The following KDSR variants were observed in gnomAD, a reference collection of about 807,000 sequenced individuals.
KDSR encodes the protein 3-ketodihydrosphingosine reductase, also known as 3-dehydrosphinganine reductase.
In KDSR, 23 loss-of-function variants were observed where a neutral mutation model predicts 41.3. The observed-to-expected ratio is 0.56, with a 90% CI of 0.40 to 0.79. The LOEUF (loss-of-function observed/expected upper bound fraction) is 0.79, where lower values mean the gene tolerates loss of function less well. KDSR is among the 30% of genes least tolerant of loss of function. The pLI is 0.00. For synonymous variants in KDSR, 138 were observed against 151.7 expected (o/e 0.91, Z 0.66); for missense variants, 351 against 416.8 (o/e 0.84, Z 1.37).
At chr18:63,352,909 G>A (rs1599333343) in intron 5 of KDSR, among the ~76,000 whole-genome samples, 1 of 150,952 alleles carries the variant, frequency 6.6e-6, no homozygotes, top group African/African-American at 2.4e-5. Flanking sequence ...GCTCATGCCT[G>A]TAATCCCAGC....
At chr18:63,335,568 G>A (rs1484110499) in intron 8 of KDSR, 5 of 515,058 alleles carry the variant, frequency 9.7e-6, no homozygotes, top group Non-Finnish European at 7.0e-6. Context: ...GGGCCCCCAA[G>A]GACAAATGAT....
At chr18:63,366,014 T>G (rs983263920) in intron 1 of KDSR, 1 of 152,258 alleles carries the variant, frequency 6.6e-6, no homozygotes, top group Non-Finnish European at 1.5e-5. Flanking sequence ...GGTGCAGAGA[T>G]AGGACAGGAA....
At position 63,362,777 on chromosome 18, in the gene KDSR, A is replaced by C; in HGVS notation, c.198+2T>G. On this transcript the variant is annotated splice_donor_variant, in intron 2 of 9. Transcript: ENST00000645214. LOFTEE classifies it high-confidence loss of function. The stretch of plus-strand genomic sequence containing the variant: ...CAGTAATAATGAACCTAGAAGCCTT[A>C]CCTCATTTCGTGCAACCAGAGTTAT... The C allele has an allele frequency of 6.2e-7, 1 of 1,601,304 alleles. No homozygotes were observed. Among genetic ancestry groups the C allele is most frequent in the East Asian group, 2.2e-5 (1 of 44,810 alleles).
At chr18:63,338,301 T>C (rs1338049802) in intron 8 of KDSR, among the ~76,000 whole-genome samples, 2 of 152,366 alleles carry the variant, frequency 1.3e-5, no homozygotes, top group Middle Eastern at 3.4e-3. Context: ...GCACATATGT[T>C]GTTCTTCTAC....
chr18:63,337,112 G>GAA (rs1491328273), intron 8 of KDSR, among the ~76,000 whole-genome samples: 1 of 18,136 alleles, frequency 5.5e-5, no homozygotes, highest in Non-Finnish European at 1.5e-4. Context: ...ATATATATGT[G>GAA]AATATATATA....
At chr18:63,335,475 A>G in intron 8 of KDSR, 117 bp from the exon 9 acceptor site, 1 of 714,440 alleles carries the variant, frequency 1.4e-6, no homozygotes, top group South Asian at 1.7e-5. Context: ...TAAAATGGTC[A>G]CAAAGCATTG....
chr18:63,352,792 A>G (rs185135535), intron 5 of KDSR, among the ~76,000 whole-genome samples: 15 of 152,324 alleles, frequency 9.8e-5, no homozygotes, highest in East Asian at 1.9e-4. Flanking sequence ...ACAGAAGATC[A>G]TAAGTGACTG....
intron 7 of KDSR, among the ~76,000 whole-genome samples, chr18:63,340,485 A>G (rs1346379850): frequency 2.6e-5 from 4 of 152,244 alleles, no homozygotes; most frequent in East Asian, 1.9e-4. Flanking sequence ...AGAAAAAAAT[A>G]TATAAAACTA....
Position 63,327,867 on chromosome 18 carries a change from G to A in KDSR, c.*3915C>T, listed in dbSNP as rs990557963. 3 of 197,010 alleles carry A rather than the reference G, an allele frequency of 1.5e-5. No homozygotes were observed. The highest frequency in any genetic ancestry group is 2.3e-5 in the African/African-American group (1 of 43,212). 12.2% of individuals were successfully genotyped at this position (197,010 alleles called of 1,614,324 possible). A position where few individuals can be genotyped will look rare whatever the true frequency, so the allele number is the denominator to read the frequency against. ...TTTGTGTATCAAAATAGCCATGTGC[G>A]CTTTTATCAGTTAAAAAGTCTTTAG... On this transcript the variant is annotated 3_prime_UTR_variant, in exon 10 of 10. Transcript: ENST00000645214.
At chr18:63,361,209 CAAAAAAAAAAAA>C (rs71162630) in intron 2 of KDSR, among the ~76,000 whole-genome samples, 1,793 of 15,466 alleles carry the variant, frequency 0.12, 53 homozygotes, top group African/African-American at 0.29. Context: ...AACTCCGTCT[CAAAAAAAAAAAA>C]AAAAAAAAAA....
At chr18:63,365,407 CTCT>C (rs1915106009) in intron 1 of KDSR, among the ~76,000 whole-genome samples, 1 of 152,232 alleles carries the variant, frequency 6.6e-6, no homozygotes, top group Non-Finnish European at 1.5e-5. Flanking sequence ...ACACTTTTCA[CTCT>C]TCTTATGACA....
chr18:63,359,569 C>T (rs754787101), intron 3 of KDSR, 167 bp downstream of exon 3: 18 of 557,716 alleles, frequency 3.2e-5, no homozygotes, highest in Non-Finnish European at 5.2e-5. Context: ...ATTCATTTTG[C>T]GTGTGTGTGA....
In KDSR at chr18:63,362,837, C is replaced by T. The variant is rs1465942560; in HGVS notation, c.140G>A (p.Cys47Tyr). The change falls in exon 2 of 10, where the codon TGC becomes TAC. Residue 47 changes from cysteine to tyrosine, a missense_variant. Coordinates refer to ENST00000645214, the MANE Select transcript of KDSR (RefSeq NM_002035.4). ...TTGTTTATAGCACTCGATAGCAATG[C>T]ACTTCCCGATGCCACTGGAACCTCC... ...VTGGSSGIGKCIAIECYKQGA... is the reference protein window; with the variant it reads ...VTGGSSGIGKYIAIECYKQGA... The T allele has an allele frequency of 5.6e-6, 9 of 1,613,566 alleles. No homozygotes were observed. Among genetic ancestry groups the T allele is most frequent in the East Asian group, 2.2e-5 (1 of 44,880 alleles).
rs1302698636 is a variant in KDSR, at chr18:63,330,032, A to G, written c.*1750T>C. On this transcript the variant is annotated 3_prime_UTR_variant, in exon 10 of 10. Coordinates refer to ENST00000645214, the MANE Select transcript of KDSR (RefSeq NM_002035.4). ...TCATTCCAAGCAATTTATATATTAA[A>G]TAATAATTTCTTCTGTATCTATCAG... 5.4e-6 allele frequency: 1 copy of G among 184,568 alleles called. No homozygotes were observed. The highest frequency in any genetic ancestry group is 1.1e-5 in the Non-Finnish European group (1 of 87,004). The allele number at this position is 184,568 out of a possible 1,614,324, so 11.4% of individuals were successfully genotyped here. A position where few individuals can be genotyped will look rare whatever the true frequency, so the allele number is the denominator to read the frequency against.
chr18:63,361,674 G>T (rs1208704542), intron 2 of KDSR, among the ~76,000 whole-genome samples: 1 of 152,004 alleles, frequency 6.6e-6, no homozygotes, highest in Non-Finnish European at 1.5e-5. Flanking sequence ...AATTAGCCAG[G>T]CGTGGTGGTG....
chr18:63,362,552 GT>G, intron 2 of KDSR, among the ~76,000 whole-genome samples: 2 of 152,298 alleles, frequency 1.3e-5, no homozygotes, highest in African/African-American at 4.8e-5. Flanking sequence ...CTATGATGAT[GT>G]TGCCTAATAT....
chr18:63,357,358 T>C (rs893681168), intron 3 of KDSR, among the ~76,000 whole-genome samples: 2 of 151,656 alleles, frequency 1.3e-5, no homozygotes, highest in Non-Finnish European at 2.9e-5. Flanking sequence ...GCTTTTCTAA[T>C]AGTAAAAAAC....
At chr18:63,346,699 A>G (rs77264223) in intron 6 of KDSR, 2 of 152,152 alleles carry the variant, frequency 1.3e-5, no homozygotes, top group African/African-American at 4.8e-5. Context: ...ATCCAACCAA[A>G]TGACTCTCCC....
chr18:63,331,231 T>C lies in KDSR; in HGVS notation c.*551A>G. The C allele has an allele frequency of 4.3e-6, 1 of 232,012 alleles. No individual in the cohort carries two copies. The highest frequency in any genetic ancestry group is 6.0e-5 in the East Asian group (1 of 16,542). 14.4% of individuals were successfully genotyped at this position (232,012 alleles called of 1,614,324 possible). A position where few individuals can be genotyped will look rare whatever the true frequency, so the allele number is the denominator to read the frequency against. On this transcript the variant is annotated 3_prime_UTR_variant, in exon 10 of 10. Transcript: ENST00000645214. ...GACATTCAGACTCACTGGCAATGGG[T>C]CCAACTCATCTTGAATAAAATACAC... is the stretch of plus-strand genomic sequence containing the variant.
Sources: allele counts gnomAD v4.1 joint callset (sites outside exome capture counted in the v4.1 genomes callset), GRCh38; gene constraint gnomAD v4.1.1; transcripts MANE v1.5; gene names NCBI Gene and HGNC (gene_info 2026-07-23, HGNC 2026-07-21).